Variants in OPCML observed in about 807,000 individuals in gnomAD.
The protein encoded by OPCML is opioid-binding protein/cell adhesion molecule.
Under a neutral mutation model 37.8 loss-of-function variants are expected in OPCML, and 13 were observed. The observed-to-expected ratio is 0.34, with a 90% CI of 0.22 to 0.55. The LOEUF is 0.55. OPCML is among the 20% of genes least tolerant of loss of function. The pLI is 0.91. For missense variants in OPCML, 341 were observed against 435.6 expected (o/e 0.78, Z 1.93); for synonymous variants, 176 against 168.8 (o/e 1.04, Z -0.33).
intron 1 of OPCML, chr11:133,298,005 T>TC (rs1485885525): frequency 6.6e-6 from 1 of 152,192 alleles, no homozygotes; most frequent in Non-Finnish European, 1.5e-5. Flanking sequence ...CTTCTATTTC[T>TC]CCCCCTTCTC....
chr11:132,756,374 G>A (rs918425259), intron 2 of OPCML, among the ~76,000 whole-genome samples: 6 of 152,110 alleles, frequency 3.9e-5, no homozygotes, highest in Non-Finnish European at 8.8e-5. Context: ...AGGTAACAGG[G>A]TTTCTTGGCA....
chr11:132,932,661 G>C (rs981198526), intron 2 of OPCML, among the ~76,000 whole-genome samples: 1 of 146,794 alleles, frequency 6.8e-6, no homozygotes, highest in Admixed American at 6.8e-5. Context: ...AATGCTGCAT[G>C]GATAAATTGT....
At chr11:133,246,260 C>T (rs1233295884) in intron 1 of OPCML, among the ~76,000 whole-genome samples, 1 of 152,158 alleles carries the variant, frequency 6.6e-6, no homozygotes, top group Non-Finnish European at 1.5e-5. Flanking sequence ...GTGTCTTAGA[C>T]ATTGAGGATA....
intron 2 of OPCML, among the ~76,000 whole-genome samples, chr11:132,792,677 G>A (rs947194758): frequency 2.0e-5 from 3 of 152,148 alleles, no homozygotes; most frequent in East Asian, 3.9e-4. Flanking sequence ...AGGGGGTGGC[G>A]GAGGGGATGG....
At chr11:133,304,217 G>T (rs1231727678) in intron 1 of OPCML, among the ~76,000 whole-genome samples, 2 of 152,314 alleles carry the variant, frequency 1.3e-5, no homozygotes, top group East Asian at 3.9e-4. Context: ...CGTCTGCTGG[G>T]ACATGAAGCT....
At chr11:133,011,163 T>C (rs957656159) in intron 1 of OPCML, among the ~76,000 whole-genome samples, 3 of 152,228 alleles carry the variant, frequency 2.0e-5, no homozygotes, top group Non-Finnish European at 2.9e-5. Flanking sequence ...ACCTTGTCTA[T>C]GGCTAAATCA....
intron 3 of OPCML, among the ~76,000 whole-genome samples, chr11:132,568,085 G>GA (rs1027140077): frequency 1.5e-4 from 22 of 147,870 alleles, no homozygotes; most frequent in African/African-American, 1.5e-4. Flanking sequence ...TAGTCAAGGT[G>GA]AAAAAAAAAA....
intron 1 of OPCML, among the ~76,000 whole-genome samples, chr11:133,285,951 C>T (rs185062669): frequency 3.3e-5 from 5 of 152,256 alleles, no homozygotes; most frequent in African/African-American, 1.2e-4. Flanking sequence ...GTGCATGGAG[C>T]AGTTCAAAAG....
chr11:132,977,061 C>T (rs1946481540), intron 1 of OPCML, among the ~76,000 whole-genome samples: 1 of 152,210 alleles, frequency 6.6e-6, no homozygotes, highest in Non-Finnish European at 1.5e-5. Context: ...TTACTTTCTC[C>T]ACATCTGAGA....
intron 1 of OPCML, among the ~76,000 whole-genome samples, chr11:133,098,211 A>C: frequency 6.6e-6 from 1 of 150,408 alleles, no homozygotes; most frequent in East Asian, 1.9e-4. Flanking sequence ...AGGCTGGTTA[A>C]ACTTTTTTTT....
At chr11:132,697,976 CTATTTATTTATT>C (rs59713386) in intron 2 of OPCML, among the ~76,000 whole-genome samples, 4,489 of 134,130 alleles carry the variant, frequency 0.033, 104 homozygotes, top group African/African-American at 0.069. Context: ...ATTTTATTTT[CTATTTATTTATT>C]TATTTATTTA....
chr11:133,392,525 A>G (rs547636386), intron 1 of OPCML, among the ~76,000 whole-genome samples: 2 of 152,332 alleles, frequency 1.3e-5, no homozygotes, highest in South Asian at 2.1e-4. Flanking sequence ...GTCCTCTGGC[A>G]CATGGGGTCA....
chr11:132,752,325 C>G (rs970479512), intron 2 of OPCML, among the ~76,000 whole-genome samples: 2 of 151,774 alleles, frequency 1.3e-5, no homozygotes. Context: ...TAATATTCAA[C>G]AAACATTCTG....
chr11:132,710,041 C>T (rs1261677860), intron 2 of OPCML, among the ~76,000 whole-genome samples: 4 of 152,096 alleles, frequency 2.6e-5, no homozygotes, highest in Non-Finnish European at 1.5e-5. Context: ...AATAAATATT[C>T]CCCATTTATA....
In OPCML at chr11:132,943,224, A is replaced by T; in HGVS notation, c.62-214T>A. ...GAGTTCGCCAGGAGCAGGGGGAAGG[A>T]GAAGAGAGGAGTCCGGGCTCTCCGG... On this transcript the variant is annotated intron_variant, in intron 1 of 7. Transcript: ENST00000524381. The surrounding 1 kb of genome is among the most constrained non-coding windows in gnomAD (Gnocchi z 4.3). 1 of 1,327,788 alleles carries T rather than the reference A, an allele frequency of 7.5e-7. No homozygotes were observed. The highest frequency in any genetic ancestry group is 1.4e-5 in the South Asian group (1 of 71,948). The allele number at this position is 1,327,788 out of a possible 1,614,324, so 82.3% of individuals were successfully genotyped here.
intron 1 of OPCML, among the ~76,000 whole-genome samples, chr11:133,388,034 G>T (rs1250672491): frequency 2.0e-5 from 3 of 152,136 alleles, no homozygotes; most frequent in African/African-American, 7.2e-5. Flanking sequence ...GATCGTATGG[G>T]GCCCTTGAGT....
chr11:132,557,210 A>T (rs190352758), intron 3 of OPCML, among the ~76,000 whole-genome samples: 11 of 152,326 alleles, frequency 7.2e-5, no homozygotes, highest in African/African-American at 2.2e-4. Flanking sequence ...GTGCCAGATT[A>T]TGTCCGTGGG....
At chr11:133,528,836 G>A (rs1244268754) in intron 1 of OPCML, among the ~76,000 whole-genome samples, 1 of 152,152 alleles carries the variant, frequency 6.6e-6, no homozygotes, top group African/African-American at 2.4e-5. Flanking sequence ...CCTGCTTAGA[G>A]TCACAAGACG....
chr11:132,868,731 T>G (rs1163085220), intron 2 of OPCML, among the ~76,000 whole-genome samples: 2 of 152,158 alleles, frequency 1.3e-5, no homozygotes, highest in Non-Finnish European at 2.9e-5. Flanking sequence ...GACTGCTCCC[T>G]TGACACATCC....
Sources: allele counts gnomAD v4.1 joint callset (sites outside exome capture counted in the v4.1 genomes callset), GRCh38; gene constraint gnomAD v4.1.1; non-coding constraint Gnocchi (gnomAD v3.1); transcripts MANE v1.5; gene names NCBI Gene and HGNC (gene_info 2026-07-23, HGNC 2026-07-21).